The following BMERB1 variants were observed in gnomAD, a reference collection of about 807,000 sequenced individuals.
The protein encoded by BMERB1 is bMERB domain containing 1.
Under a neutral mutation model 23.6 loss-of-function variants are expected in BMERB1, and 12 were observed. That is an observed-to-expected ratio of 0.51 (90% confidence interval 0.33 to 0.82). BMERB1 has a LOEUF of 0.82. Ranked by LOEUF, BMERB1 falls within the 40% of genes least tolerant of loss-of-function variation. The probability of loss-of-function intolerance (pLI) is 0.03; values close to 1 mark genes in which losing one functional copy is unlikely to be tolerated. For synonymous variants in BMERB1, 122 were observed against 96.6 expected, an observed-to-expected ratio of 1.26 and a Z score of -1.54; for missense variants, 247 against 255.4, an observed-to-expected ratio of 0.97 and a Z score of 0.22.
At chr16:15,450,060 C>G (rs146298965) in intron 1 of BMERB1, among the ~76,000 whole-genome samples, 39 of 151,916 alleles carry the variant, frequency 2.6e-4, no homozygotes, top group Middle Eastern at 6.8e-3. Context: ...CCCTGATACA[C>G]TTTTTCTGTA....
chr16:15,518,795 G>A (rs1268162819), intron 2 of BMERB1, among the ~76,000 whole-genome samples: 1 of 151,614 alleles, frequency 6.6e-6, no homozygotes, highest in African/African-American at 2.4e-5. Flanking sequence ...AAGGAGGGAA[G>A]GGAGTGGGAG....
At chr16:15,447,435 A>G (rs1013789786) in intron 1 of BMERB1, among the ~76,000 whole-genome samples, 1 of 152,054 alleles carries the variant, frequency 6.6e-6, no homozygotes, top group Non-Finnish European at 1.5e-5. Context: ...ATTACCTCCC[A>G]CCAGGTCCCT....
At chr16:15,551,789 C>T (rs922135937) in intron 2 of BMERB1, among the ~76,000 whole-genome samples, 2 of 152,188 alleles carry the variant, frequency 1.3e-5, no homozygotes, top group South Asian at 2.1e-4. Flanking sequence ...TGGCAGACGG[C>T]GAAGGGAAAG....
intron 3 of BMERB1, among the ~76,000 whole-genome samples, chr16:15,569,357 A>G (rs565386125): frequency 1.3e-5 from 2 of 152,296 alleles, no homozygotes; most frequent in Admixed American, 6.5e-5. Flanking sequence ...TCATGGCGGA[A>G]GACAAGGGAG....
chr16:15,455,687 C>G (rs567205236), intron 1 of BMERB1, among the ~76,000 whole-genome samples: 1 of 152,078 alleles, frequency 6.6e-6, no homozygotes, highest in Non-Finnish European at 1.5e-5. Context: ...GTCTCAAACT[C>G]CCAACCTCAG....
At chr16:15,571,057 G>C (rs977830154) in intron 3 of BMERB1, among the ~76,000 whole-genome samples, 15 of 152,006 alleles carry the variant, frequency 9.9e-5, no homozygotes, top group East Asian at 1.9e-4. Context: ...CCTGTATCTT[G>C]TGCCGACCTC....
At chr16:15,525,202 A>G (rs557015130) in intron 2 of BMERB1, among the ~76,000 whole-genome samples, 48 of 152,212 alleles carry the variant, frequency 3.2e-4, no homozygotes, top group African/African-American at 9.4e-4. Flanking sequence ...AGTAGGAGGG[A>G]ACTCCTGCTG....
chr16:15,545,428 TAGAG>T (rs942299617), intron 2 of BMERB1, among the ~76,000 whole-genome samples: 17 of 152,266 alleles, frequency 1.1e-4, no homozygotes, highest in Admixed American at 5.9e-4. Flanking sequence ...AGACTTCCCT[TAGAG>T]AGAAGACCCG....
chr16:15,520,550 C>A (rs2051839113), intron 2 of BMERB1, among the ~76,000 whole-genome samples: 1 of 146,080 alleles, frequency 6.8e-6, no homozygotes, highest in Non-Finnish European at 1.5e-5. Context: ...GGGGCACGAT[C>A]TGGACTCACT....
chr16:15,435,557 G>A (rs571202361), intron 1 of BMERB1, among the ~76,000 whole-genome samples: 2 of 152,246 alleles, frequency 1.3e-5, no homozygotes, highest in South Asian at 2.1e-4. Flanking sequence ...CTGCAAACCC[G>A]GGGGCTCCCC....
intron 2 of BMERB1, among the ~76,000 whole-genome samples, chr16:15,517,882 GATGTGTGTGTGTGGATCTGTGTGTGTGT>G (rs1171905033): frequency 1.6e-5 from 2 of 127,884 alleles, no homozygotes; most frequent in African/African-American, 9.1e-5. Context: ...TGGGTGTGTG[GATGTGTGTGTGTGGATCTGTGTGTGTGT>G]ATGTGTGTGT....
intron 2 of BMERB1, among the ~76,000 whole-genome samples, chr16:15,543,261 G>A (rs754940844): frequency 1.3e-5 from 2 of 151,960 alleles, no homozygotes; most frequent in African/African-American, 2.4e-5. Flanking sequence ...TCTCTGCCAC[G>A]CCACTCTGGT....
In BMERB1 at chr16:15,434,640, C is replaced by T. The variant is rs761324283; in HGVS notation, c.-14C>T. ...GTAAAGGGAGACCCGTCGACCTGGCCACGGGGATCAGCGATGGAATTAAAG... is the reference window on the plus strand; with the variant it reads ...GTAAAGGGAGACCCGTCGACCTGGCTACGGGGATCAGCGATGGAATTAAAG... On this transcript the variant is annotated 5_prime_UTR_variant, in exon 1 of 6. Transcript: ENST00000300006. 1 of 1,609,850 alleles carries T rather than the reference C, an allele frequency of 6.2e-7. No homozygotes were observed. Among genetic ancestry groups the T allele is most frequent in the Non-Finnish European group, 8.5e-7 (1 of 1,176,070 alleles).
rs547955548 is a variant in BMERB1 at position 15,517,595 on chromosome 16, A to T, written c.230+2167A>T. On this transcript the variant is annotated intron_variant, in intron 2 of 5. Coordinates refer to ENST00000300006, the MANE Select transcript of BMERB1 (RefSeq NM_033201.3). ...TCAAGATCCCTTTGTTTAAAAAAAA[A>T]ACTACAAAAATACAAAAAATTTAAA... Among the ~76,000 whole-genome samples the T allele has an allele frequency of 4.6e-4, 70 of 152,050 alleles. 1 individual carries two copies. Among genetic ancestry groups the T allele is most frequent in the African/African-American group, 1.6e-3 (67 of 41,564 alleles).
At chr16:15,435,564 C>G (rs1278910627) in intron 1 of BMERB1, among the ~76,000 whole-genome samples, 1 of 152,164 alleles carries the variant, frequency 6.6e-6, no homozygotes, top group Admixed American at 6.5e-5. Flanking sequence ...CCCGGGGGCT[C>G]CCCAAAGCCG....
intron 2 of BMERB1, among the ~76,000 whole-genome samples, chr16:15,523,327 A>C (rs866742802): frequency 2.1e-4 from 32 of 151,818 alleles, no homozygotes; most frequent in African/African-American, 7.8e-4. Context: ...GTTTTTATAG[A>C]TACAGGATGG....
intron 3 of BMERB1, among the ~76,000 whole-genome samples, chr16:15,572,621 A>ATTTATTTT (rs2150973877): frequency 6.6e-6 from 1 of 152,350 alleles, no homozygotes; most frequent in East Asian, 1.9e-4. Flanking sequence ...ACAACGAAGG[A>ATTTATTTT]ATGAGGGAAA....
intron 1 of BMERB1, among the ~76,000 whole-genome samples, chr16:15,453,162 ACT>A (rs902116857): frequency 9.2e-5 from 14 of 152,072 alleles, no homozygotes; most frequent in African/African-American, 2.9e-4. Context: ...ACAGCACGAG[ACT>A]CTGTCTCAAA....
chr16:15,576,082 AG>A (rs61055399), intron 3 of BMERB1, among the ~76,000 whole-genome samples: 8,861 of 142,942 alleles, frequency 0.062, 933 homozygotes, highest in African/African-American at 0.22. Context: ...TCTGTCACCC[AG>A]GCTGGAGTGC....
Sources: allele counts gnomAD v4.1 joint callset (sites outside exome capture counted in the v4.1 genomes callset), GRCh38; gene constraint gnomAD v4.1.1; transcripts MANE v1.5; gene names NCBI Gene and HGNC (gene_info 2026-07-23, HGNC 2026-07-21).